The following RPP30 variants were observed in gnomAD, a reference collection of about 807,000 sequenced individuals.
RPP30 encodes ribonuclease P protein subunit p30.
In RPP30, 36 loss-of-function variants were observed where a neutral mutation model predicts 38.6. The ratio of observed to expected loss-of-function variants is 0.93; its 90% CI spans 0.71 to 1.23. The LOEUF (loss-of-function observed/expected upper bound fraction) is 1.23, where lower values mean the gene tolerates loss of function less well. Among genes scored for constraint, RPP30 ranks in the 50% most tolerant of loss-of-function variants. The pLI is 0.00. For synonymous variants in RPP30, 126 were observed against 112.7 expected, an observed-to-expected ratio of 1.12 and a Z score of -0.75; for missense variants, 321 against 321.7, an observed-to-expected ratio of 1.00 and a Z score of 0.02.
chr10:90,896,675 C>T (rs1024199789), intron 10 of RPP30, among the ~76,000 whole-genome samples: 1 of 152,144 alleles, frequency 6.6e-6, no homozygotes, highest in African/African-American at 2.4e-5. Context: ...TCTAATCTCC[C>T]TTCCTTCTTC....
intron 6 of RPP30, among the ~76,000 whole-genome samples, chr10:90,889,676 C>A (rs549733187): frequency 5.7e-4 from 87 of 152,036 alleles, no homozygotes; most frequent in African/African-American, 2.0e-3. Context: ...CATCTTTTAC[C>A]AATAGGCCAG....
Position 90,874,902 on chromosome 10 carries a change from T to C in RPP30, c.116T>C (p.Val39Ala). 6.3e-7 allele frequency: 1 copy of C among 1,594,938 alleles called. No individual in the cohort carries two copies. The highest frequency in any genetic ancestry group is 8.6e-7 in the Non-Finnish European group (1 of 1,167,362). The change falls in exon 2 of 11, where the codon GTT becomes GCT. Residue 39 changes from valine (V) to alanine (A), a missense_variant. Physicochemically the swap from Val to Ala is moderately conservative, Grantham distance 64. Transcript: ENST00000371703. ...GYSVVAINHIVDFKEKKQEIE... is the reference protein window; with the variant it reads ...GYSVVAINHIADFKEKKQEIE... ...TCAGTTGTTGCTATCAATCATATCG[T>C]TGACTTTAAGGAAAAGAAACAGGTA...
intron 4 of RPP30, among the ~76,000 whole-genome samples, chr10:90,877,586 A>G (rs1160800497): frequency 1.3e-5 from 2 of 152,072 alleles, no homozygotes; most frequent in Non-Finnish European, 2.9e-5. Context: ...AAAGGTCAGC[A>G]GGGTCAGTAT....
chr10:90,897,015 A>G (rs1418599084), intron 10 of RPP30, among the ~76,000 whole-genome samples: 2 of 152,004 alleles, frequency 1.3e-5, no homozygotes, highest in Non-Finnish European at 2.9e-5. Context: ...TCAGCCTCCC[A>G]AAGTGCTAGG....
intron 1 of RPP30, 78 bp downstream of exon 1, chr10:90,872,146 C>G (rs1223702421): frequency 8.2e-7 from 1 of 1,212,600 alleles, no homozygotes; most frequent in South Asian, 1.2e-5. Context: ...TAACTATTTC[C>G]TGATGGGTCT....
intron 10 of RPP30, 132 bp downstream of exon 10, chr10:90,896,524 C>G: frequency 9.5e-6 from 6 of 632,594 alleles, no homozygotes; most frequent in Non-Finnish European, 1.4e-5. Context: ...GTTCTAAACA[C>G]AGTCATCAGT....
At chr10:90,872,993 T>C (rs763575932) in intron 1 of RPP30, among the ~76,000 whole-genome samples, 10 of 152,240 alleles carry the variant, frequency 6.6e-5, no homozygotes, top group Admixed American at 1.3e-4. Flanking sequence ...TTGGCGCTAA[T>C]GTTCTTTGAT....
chr10:90,904,646 C>T (rs1038115444), downstream of RPP30, among the ~76,000 whole-genome samples: 2 of 152,118 alleles, frequency 1.3e-5, no homozygotes, highest in South Asian at 2.1e-4. Context: ...AACCCCGTCT[C>T]TACTAAAAAT....
chr10:90,908,163 TC>T (rs1394295256), downstream of RPP30: 1 of 152,226 alleles, frequency 6.6e-6, no homozygotes, highest in Non-Finnish European at 1.5e-5. Context: ...TTTTTCAGCT[TC>T]ATTTTATTTT....
chr10:90,885,734 A>G, intron 5 of RPP30, 78 bp from the exon 6 acceptor site: 1 of 830,892 alleles, frequency 1.2e-6, no homozygotes. Flanking sequence ...CATACTTTAT[A>G]TCGAGTTTGA....
chr10:90,898,410 G>A (rs1039484277), intron 10 of RPP30, among the ~76,000 whole-genome samples: 5 of 152,038 alleles, frequency 3.3e-5, no homozygotes, highest in African/African-American at 4.8e-5. Context: ...AGTATGAGAC[G>A]GTAGTATGAT....
At chr10:90,880,371 G>GA (rs1846910529) in intron 5 of RPP30, among the ~76,000 whole-genome samples, 1 of 151,824 alleles carries the variant, frequency 6.6e-6, no homozygotes, top group East Asian at 1.9e-4. Context: ...TATTAACAGA[G>GA]AAACAGCACA....
intron 6 of RPP30, among the ~76,000 whole-genome samples, chr10:90,894,063 C>A (rs1038570083): frequency 6.6e-6 from 1 of 152,194 alleles, no homozygotes; most frequent in Non-Finnish European, 1.5e-5. Flanking sequence ...TGGGCAAAAT[C>A]TTCAAGGGCA....
chr10:90,897,214 G>A (rs986693213), intron 10 of RPP30, among the ~76,000 whole-genome samples: 8 of 152,146 alleles, frequency 5.3e-5, no homozygotes, highest in South Asian at 2.1e-4. Flanking sequence ...TTTTGTCTTC[G>A]TTATCTTTAT....
rs747421900 is a variant in RPP30, at chr10:90,895,488, G to T, written c.579+5G>T. On this transcript the variant is annotated splice_donor_5th_base_variant and intron_variant, in intron 8 of 10. Coordinates refer to ENST00000371703, the MANE Select transcript of RPP30 (RefSeq NM_006413.5). Reference sequence around the variant, plus strand: ...ATATCTAGTGCTGCAGAAAGGGTAAGTCTAGCATGAAGTACTTTGTTTTCA... The same window carrying T: ...ATATCTAGTGCTGCAGAAAGGGTAATTCTAGCATGAAGTACTTTGTTTTCA... 7.2e-7 allele frequency: 1 copy of T among 1,386,320 alleles called. No individual in the cohort carries two copies. Among genetic ancestry groups the T allele is most frequent in the Non-Finnish European group, 9.5e-7 (1 of 1,053,418 alleles). The allele number at this position is 1,386,320 out of a possible 1,614,324, so 85.9% of individuals were successfully genotyped here.
intron 10 of RPP30, among the ~76,000 whole-genome samples, chr10:90,900,105 A>G (rs1847183772): frequency 6.6e-6 from 1 of 152,232 alleles, no homozygotes; most frequent in Non-Finnish European, 1.5e-5. Flanking sequence ...AGTGTTGGCA[A>G]TATAATGCAA....
rs117774500 is a variant in RPP30, at chr10:90,899,896, G to A, written c.698-674G>A. Reference sequence around the variant, plus strand: ...ACCCTCTGTATGGACACAGTGCCTAGCCTATTAGTAGGTTTCTAGGAAAAA... The same window carrying A: ...ACCCTCTGTATGGACACAGTGCCTAACCTATTAGTAGGTTTCTAGGAAAAA... On this transcript the variant is annotated intron_variant, in intron 10 of 10. Coordinates refer to ENST00000371703, the MANE Select transcript of RPP30 (RefSeq NM_006413.5). Among the ~76,000 whole-genome samples, 38 of 152,254 alleles carry A rather than the reference G, an allele frequency of 2.5e-4. No individual in the cohort carries two copies. The East Asian group carries it at 7.1e-3, about 29-fold the overall frequency.
chr10:90,874,141 A>T (rs1300102626), intron 1 of RPP30, among the ~76,000 whole-genome samples: 2 of 152,206 alleles, frequency 1.3e-5, no homozygotes, highest in African/African-American at 4.8e-5. Flanking sequence ...TATGTATTTT[A>T]ATGTTAATAT....
intron 4 of RPP30, among the ~76,000 whole-genome samples, chr10:90,878,483 CT>C (rs869258877): frequency 6.6e-6 from 1 of 151,372 alleles, no homozygotes; most frequent in Non-Finnish European, 1.5e-5. Flanking sequence ...ATGATATTTT[CT>C]TTCTTCTTCT....
Sources: allele counts gnomAD v4.1 joint callset (sites outside exome capture counted in the v4.1 genomes callset), GRCh38; gene constraint gnomAD v4.1.1; transcripts MANE v1.5; gene names NCBI Gene and HGNC (gene_info 2026-07-23, HGNC 2026-07-21).